The following FAM162B variants were observed in gnomAD, a reference collection of about 807,000 sequenced individuals.
FAM162B encodes protein FAM162B.
A neutral mutation model predicts 20.0 loss-of-function variants in FAM162B; 16 were observed. That is an observed-to-expected ratio of 0.80 (90% CI 0.54 to 1.21). The LOEUF (loss-of-function observed/expected upper bound fraction) is 1.21. Ranked by LOEUF, FAM162B falls within the 50% of genes most tolerant of loss-of-function variation. The probability of loss-of-function intolerance (pLI) is 0.00; values close to 1 mark genes in which losing one functional copy is unlikely to be tolerated. For synonymous variants in FAM162B, 83 were observed against 89.7 expected (o/e 0.93, Z 0.42); for missense variants, 260 against 227.5 (o/e 1.14, Z -0.92).
At position 116,765,434 on chromosome 6, in the gene FAM162B, G is replaced by GC; in HGVS notation, c.142dup (p.Ala48GlyfsTer89). On this transcript the variant is annotated frameshift_variant, in exon 1 of 4. Coordinates refer to ENST00000368557, the MANE Select transcript of FAM162B (RefSeq NM_001085480.3). LOFTEE classifies it high-confidence loss of function. ...ACCTTGGGGCCCAGAATTGCTGGGG[G>GC]CCCCGCCGCTGGAGTAGCAGGGGAG... 1 of 1,445,716 alleles carries GC rather than the reference G, an allele frequency of 6.9e-7. No individual in the cohort carries two copies. Among genetic ancestry groups the GC allele is most frequent in the Non-Finnish European group, 9.1e-7 (1 of 1,098,990 alleles). 89.6% of individuals were successfully genotyped at this position (1,445,716 alleles called of 1,614,324 possible). A position where few individuals can be genotyped will look rare whatever the true frequency, so the allele number is the denominator to read the frequency against.
At chr6:116,754,733 A>G (rs1780034930) in intron 3 of FAM162B, among the ~76,000 whole-genome samples, 1 of 152,008 alleles carries the variant, frequency 6.6e-6, no homozygotes, top group Non-Finnish European at 1.5e-5. Context: ...GTTTGTGGCA[A>G]CCTTGCATGG....
rs1051513666 is a variant in FAM162B at position 116,761,887 on chromosome 6, C to CA, written c.390+89dup. 10 of 905,484 alleles carry CA rather than the reference C, an allele frequency of 1.1e-5. No individual in the cohort carries two copies. In the Admixed American group the frequency reaches 2.5e-4, roughly 23 times the overall value. 56.1% of individuals were successfully genotyped at this position (905,484 alleles called of 1,614,324 possible). ...CCTTTGGGCTGACTAAGGAGGTACT[C>CA]ACCCTTTTGGTGAGATACTCTTTTA... On this transcript the variant is annotated intron_variant, in intron 3 of 3. Coordinates refer to ENST00000368557, the MANE Select transcript of FAM162B (RefSeq NM_001085480.3).
chr6:116,757,111 G>A (rs1185439611), intron 3 of FAM162B, among the ~76,000 whole-genome samples: 1 of 152,088 alleles, frequency 6.6e-6, no homozygotes, highest in East Asian at 1.9e-4. Context: ...CAATTATTTT[G>A]CAAGAATAAA....
At chr6:116,753,327 A>C (rs905774931) in intron 3 of FAM162B, among the ~76,000 whole-genome samples, 4 of 152,182 alleles carry the variant, frequency 2.6e-5, no homozygotes, top group Admixed American at 1.3e-4. Context: ...ATTGTTATTA[A>C]AAATGAAAAA....
intron 3 of FAM162B, among the ~76,000 whole-genome samples, chr6:116,758,605 A>G (rs1780080338): frequency 6.6e-6 from 1 of 152,142 alleles, no homozygotes; most frequent in East Asian, 1.9e-4. Flanking sequence ...TTTCTGTTGT[A>G]TAGCTTCTCA....
At position 116,765,598 on chromosome 6, in the gene FAM162B, G is replaced by C; in HGVS notation, c.-22C>G. The C allele has an allele frequency of 7.7e-7, 1 of 1,306,762 alleles. No individual in the cohort carries two copies. The highest frequency in any genetic ancestry group is 9.7e-7 in the Non-Finnish European group (1 of 1,034,216). The allele number at this position is 1,306,762 out of a possible 1,614,324, so 80.9% of individuals were successfully genotyped here. Reference sequence around the variant, plus strand: ...GCATGCTGCCCGCTTGTCCCGCGCCGCACCCGCACCTCCGGACCCAGCCAC... The same window carrying C: ...GCATGCTGCCCGCTTGTCCCGCGCCCCACCCGCACCTCCGGACCCAGCCAC... On this transcript the variant is annotated 5_prime_UTR_variant, in exon 1 of 4. Coordinates refer to ENST00000368557, the MANE Select transcript of FAM162B (RefSeq NM_001085480.3).
rs547240958 is a variant in FAM162B, at chr6:116,759,592, C to T, written c.390+2385G>A. Among the ~76,000 whole-genome samples the T allele has an allele frequency of 1.2e-4, 18 of 152,152 alleles. No homozygotes were observed. In the East Asian group the frequency reaches 3.5e-3, roughly 29 times the overall value. ...AAAGTGCTGGGATTACAGGCGTGAG[C>T]CACCGCGCCCGGCCTGATCTTTATT... is the stretch of plus-strand genomic sequence containing the variant. On this transcript the variant is annotated intron_variant, in intron 3 of 3. Transcript: ENST00000368557.
intron 3 of FAM162B, among the ~76,000 whole-genome samples, chr6:116,756,008 G>A (rs1341206181): frequency 6.6e-6 from 1 of 152,124 alleles, no homozygotes; most frequent in Non-Finnish European, 1.5e-5. Flanking sequence ...ATATTTTCAT[G>A]ACTGCTAACA....
Position 116,761,763 on chromosome 6 carries a change from T to C in FAM162B, c.390+214A>G, listed in dbSNP as rs563590118. Among the ~76,000 whole-genome samples the C allele has an allele frequency of 4.8e-4, 72 of 149,976 alleles. 1 individual carries two copies. Among genetic ancestry groups the C allele is most frequent in the African/African-American group, 1.8e-3 (72 of 41,032 alleles). ...ACACACACACACACACATATATATA[T>C]ATATGACTTCAAGTCTCAAAGACAA... On this transcript the variant is annotated intron_variant, in intron 3 of 3. Coordinates refer to ENST00000368557, the MANE Select transcript of FAM162B (RefSeq NM_001085480.3).
chr6:116,762,986 A>G (rs1422174389), intron 2 of FAM162B, among the ~76,000 whole-genome samples: 1 of 152,024 alleles, frequency 6.6e-6, no homozygotes, highest in Admixed American at 6.6e-5. Context: ...GTGTAGTTAC[A>G]TTGAAAAAAA....
At chr6:116,758,459 ATAATT>A (rs1311080007) in intron 3 of FAM162B, among the ~76,000 whole-genome samples, 1 of 152,152 alleles carries the variant, frequency 6.6e-6, no homozygotes, top group East Asian at 1.9e-4. Context: ...GGAGCTCCTT[ATAATT>A]TAAGAAAATT....
intron 1 of FAM162B, 29 bp from the exon 2 acceptor site, chr6:116,765,284 G>A (rs759374810): frequency 3.7e-6 from 6 of 1,607,976 alleles, no homozygotes; most frequent in Non-Finnish European, 4.2e-6. Flanking sequence ...AGATGGACGC[G>A]GGAACTGACG....
chr6:116,757,269 A>G (rs1780061419), intron 3 of FAM162B, among the ~76,000 whole-genome samples: 1 of 152,232 alleles, frequency 6.6e-6, no homozygotes, highest in Non-Finnish European at 1.5e-5. Flanking sequence ...TCTATGTATC[A>G]ATAAGTGTCT....
intron 2 of FAM162B, among the ~76,000 whole-genome samples, chr6:116,763,776 ATTTTT>A (rs5879386): frequency 7.0e-6 from 1 of 142,768 alleles, no homozygotes; most frequent in East Asian, 2.0e-4. Flanking sequence ...ACTTATTTTA[ATTTTT>A]TTTTTTTTTT....
Position 116,764,821 on chromosome 6 carries a change from G to A in FAM162B, c.281+326C>T, listed in dbSNP as rs73559509. ...AGCCATCCGGATGCTCGCGAGGACC[G>A]TGGCCTGTTTGGCACAAGAGCCCCA... On this transcript the variant is annotated intron_variant, in intron 2 of 3. Transcript: ENST00000368557. Among the ~76,000 whole-genome samples, 1,419 of 152,294 alleles carry A rather than the reference G, an allele frequency of 9.3e-3. 19 individuals are homozygous for A. The highest frequency in any genetic ancestry group is 0.032 in the African/African-American group (1,346 of 41,560).
At position 116,758,483 on chromosome 6, in the gene FAM162B, G is replaced by A. The variant is rs186620360; in HGVS notation, c.390+3494C>T. On this transcript the variant is annotated intron_variant, in intron 3 of 3. Coordinates refer to ENST00000368557, the MANE Select transcript of FAM162B (RefSeq NM_001085480.3). Reference sequence around the variant, plus strand: ...TATAATTTAAGAAAATTAGCTCTTAGTTTGTGATCTATTTTGTATTTTTCC... The same window carrying A: ...TATAATTTAAGAAAATTAGCTCTTAATTTGTGATCTATTTTGTATTTTTCC... Among the ~76,000 whole-genome samples, 551 of 152,014 alleles carry A rather than the reference G, an allele frequency of 3.6e-3. 1 individual carries two copies. Among genetic ancestry groups the A allele is most frequent in the African/African-American group, 0.013 (534 of 41,442 alleles).
chr6:116,764,774 G>T (rs1771875685), intron 2 of FAM162B, among the ~76,000 whole-genome samples: 1 of 152,212 alleles, frequency 6.6e-6, no homozygotes, highest in Non-Finnish European at 1.5e-5. Flanking sequence ...CCAAAGCCTG[G>T]ATTGCGGTCT....
chr6:116,757,141 G>T (rs1780060482), intron 3 of FAM162B, among the ~76,000 whole-genome samples: 1 of 152,144 alleles, frequency 6.6e-6, no homozygotes. Flanking sequence ...GAACATCAGG[G>T]AGGGTAAGAA....
intron 2 of FAM162B, 36 bp downstream of exon 2, chr6:116,765,111 A>T: frequency 1.2e-6 from 2 of 1,602,308 alleles, no homozygotes; most frequent in South Asian, 1.1e-5. Flanking sequence ...GCGGCCGGGG[A>T]CCGACTCTCC....
Sources: gnomAD v4.1 joint callset for allele counts (sites outside exome capture counted in the v4.1 genomes callset) on GRCh38, gnomAD v4.1.1 for gene constraint, MANE v1.5 for transcripts, NCBI Gene and HGNC (gene_info 2026-07-23, HGNC 2026-07-21) for gene names.